The following SLIT1 variants were observed in gnomAD, a reference collection of about 807,000 sequenced individuals.
The protein encoded by SLIT1 is slit homolog 1 protein.
SLIT1 carries 66 observed loss-of-function variants against 186.1 expected under a neutral mutation model. The observed-to-expected ratio is 0.35, with a 90% CI of 0.29 to 0.44. SLIT1 has a LOEUF of 0.44. SLIT1 is among the 20% of genes least tolerant of loss of function. SLIT1 has a pLI of 1.00. For missense variants in SLIT1, 1,638 were observed against 2,037.4 expected, an observed-to-expected ratio of 0.80 and a Z score of 3.77; for synonymous variants, 761 against 833.8, an observed-to-expected ratio of 0.91 and a Z score of 1.50.
intron 4 of SLIT1, among the ~76,000 whole-genome samples, chr10:97,084,789 T>G (rs1205358400): frequency 6.6e-6 from 1 of 151,914 alleles, no homozygotes; most frequent in African/African-American, 2.4e-5. Context: ...GTATTTTTAG[T>G]AGAGACAGGG....
chr10:97,040,973 A>G (rs574108363), intron 20 of SLIT1, among the ~76,000 whole-genome samples: 2 of 152,296 alleles, frequency 1.3e-5, no homozygotes, highest in South Asian at 4.1e-4. Context: ...GAATCCTCAG[A>G]ACAGCTCTCT....
rs1041420300 is a variant in SLIT1 at position 97,013,756 on chromosome 10, G to A, written c.3188C>T (p.Thr1063Ile). ...CAACACTCACCTGGGCCCATCCGGGGTGCCCACACACTGGGCCTCGTGTTG... is the reference window on the plus strand; with the variant it reads ...CAACACTCACCTGGGCCCATCCGGGATGCCCACACACTGGGCCTCGTGTTG... ...PCQHEAQCVG[T>I]PDGPRCECMP... The change falls in exon 30 of 37, where the codon ACC becomes ATC. Residue 1063 changes from threonine to isoleucine, a missense_variant. This residue lies in a region of SLIT1 where 1,245 missense variants were observed against 1,535.3 expected (regional missense o/e 0.81). Transcript: ENST00000266058. 5.2e-6 allele frequency: 8 copies of A among 1,551,442 alleles called. No homozygotes were observed. In the South Asian group the frequency reaches 5.9e-5, roughly 12 times the overall value.
chr10:97,021,137 CT>C lies in SLIT1; in HGVS notation c.2746+112del. The C allele has an allele frequency of 9.4e-7, 1 of 1,061,592 alleles. No individual in the cohort carries two copies. Among genetic ancestry groups the C allele is most frequent in the Non-Finnish European group, 1.3e-6 (1 of 746,314 alleles). The allele number at this position is 1,061,592 out of a possible 1,614,324, so 65.8% of individuals were successfully genotyped here. ...GCCGCAGGTGCCTTGTTCCTGTCCC[CT>C]GACCCCCCGCCCAGCGGTCACCACA... On this transcript the variant is annotated intron_variant, in intron 26 of 36. Transcript: ENST00000266058. The surrounding 1 kb of genome is among the most constrained non-coding windows in gnomAD (Gnocchi z 4.5).
In SLIT1 at chr10:97,004,730, A is replaced by G; in HGVS notation, c.3673T>C (p.Tyr1225His). The change falls in exon 33 of 37, where the codon TAC becomes CAC. Residue 1225 changes from tyrosine to histidine, a missense_variant. By Grantham distance (83) the Tyr-to-His change is moderately conservative (BLOSUM62 2). Coordinates refer to ENST00000266058, the MANE Select transcript of SLIT1 (RefSeq NM_003061.3). This position sits in a 1 kb window ranked among gnomAD's most constrained non-coding sequence, Gnocchi z 5.1. ...ELYQGHVRVSYDPGSYPSSAI... is the reference protein window; with the variant it reads ...ELYQGHVRVSHDPGSYPSSAI... ...GAGCTGGGGTAGCTGCCTGGGTCGT[A>G]GCTGACACGCACATGGCCCTGGTAC... is the stretch of plus-strand genomic sequence containing the variant. The G allele has an allele frequency of 6.2e-7, 1 of 1,614,112 alleles. No homozygotes were observed. The highest frequency in any genetic ancestry group is 1.1e-5 in the South Asian group (1 of 91,076).
intron 3 of SLIT1, among the ~76,000 whole-genome samples, chr10:97,160,479 T>C (rs932715760): frequency 6.6e-6 from 1 of 152,146 alleles, no homozygotes; most frequent in African/African-American, 2.4e-5. Context: ...TCCCCCAGAT[T>C]GCTCCCAAGG....
At chr10:97,087,549 T>G (rs899163714) in intron 4 of SLIT1, among the ~76,000 whole-genome samples, 4 of 152,034 alleles carry the variant, frequency 2.6e-5, no homozygotes, top group Non-Finnish European at 5.9e-5. Flanking sequence ...CTAATATGAG[T>G]GAAGAGCACT....
At chr10:97,165,404 G>A (rs1350086337) in intron 1 of SLIT1, among the ~76,000 whole-genome samples, 2 of 152,086 alleles carry the variant, frequency 1.3e-5, no homozygotes, top group East Asian at 1.9e-4. Flanking sequence ...TGCGAGTGCC[G>A]TATTCTAAGC....
At chr10:97,177,095 C>T (rs547408699) in intron 1 of SLIT1, among the ~76,000 whole-genome samples, 1 of 152,286 alleles carries the variant, frequency 6.6e-6, no homozygotes, top group South Asian at 2.1e-4. Context: ...GCATTTTGTA[C>T]CGGCCTCCCA....
intron 30 of SLIT1, among the ~76,000 whole-genome samples, chr10:97,011,646 A>G (rs1848411651): frequency 6.6e-6 from 1 of 152,120 alleles, no homozygotes; most frequent in African/African-American, 2.4e-5. Flanking sequence ...CCAGCTTCCC[A>G]GCTGCCACCA....
At chr10:97,086,571 C>A (rs1401202005) in intron 4 of SLIT1, among the ~76,000 whole-genome samples, 2 of 152,046 alleles carry the variant, frequency 1.3e-5, no homozygotes, top group Non-Finnish European at 2.9e-5. Context: ...GAGCAAGACT[C>A]CAACCCTCCC....
chr10:97,006,914 G>C lies in SLIT1; in HGVS notation c.3342-194C>G, dbSNP rs1256671286. On this transcript the variant is annotated intron_variant, in intron 31 of 36. Coordinates refer to ENST00000266058, the MANE Select transcript of SLIT1 (RefSeq NM_003061.3). This position sits in a 1 kb window ranked among gnomAD's most constrained non-coding sequence, Gnocchi z 4.0. ...TACCAGGATACAAGTATGGTCCCTG[G>C]TCCAGCAGCGTCAACATTACCTGGA... is the stretch of plus-strand genomic sequence containing the variant. Among the ~76,000 whole-genome samples, 1 of 152,208 alleles carries C rather than the reference G, an allele frequency of 6.6e-6. No homozygotes were observed. The highest frequency in any genetic ancestry group is 6.5e-5 in the Admixed American group (1 of 15,280).
intron 28 of SLIT1, among the ~76,000 whole-genome samples, chr10:97,015,826 G>A (rs1340456668): frequency 1.3e-5 from 2 of 152,146 alleles, no homozygotes; most frequent in East Asian, 1.9e-4. Flanking sequence ...TTTAACTTAC[G>A]TGTACCCATG....
chr10:97,130,570 A>G (rs1694684455), intron 4 of SLIT1, among the ~76,000 whole-genome samples: 2 of 152,230 alleles, frequency 1.3e-5, no homozygotes, highest in Non-Finnish European at 2.9e-5. Context: ...TCACGGAAAC[A>G]GAAAGTAGAA....
At chr10:97,140,260 A>G (rs1849744504) in intron 4 of SLIT1, among the ~76,000 whole-genome samples, 1 of 151,970 alleles carries the variant, frequency 6.6e-6, no homozygotes, top group African/African-American at 2.4e-5. Context: ...CTACCCCATT[A>G]GTTGCCATGT....
intron 22 of SLIT1, among the ~76,000 whole-genome samples, chr10:97,037,390 C>G (rs961374215): frequency 6.6e-6 from 1 of 152,114 alleles, no homozygotes; most frequent in Non-Finnish European, 1.5e-5. Context: ...TGTGAGCCAC[C>G]GTGCCCGCCC....
chr10:97,108,098 CCCTT>C (rs1436484618), intron 4 of SLIT1, among the ~76,000 whole-genome samples: 7 of 152,202 alleles, frequency 4.6e-5, no homozygotes, highest in Non-Finnish European at 8.8e-5. Context: ...CATCTTCCCT[CCCTT>C]AGGAAGTCCT....
chr10:97,004,942 TC>T lies in SLIT1; in HGVS notation c.3580-120del. 8.1e-7 allele frequency: 1 copy of T among 1,234,904 alleles called. No individual in the cohort carries two copies. Among genetic ancestry groups the T allele is most frequent in the Non-Finnish European group, 1.1e-6 (1 of 872,866 alleles). The allele number at this position is 1,234,904 out of a possible 1,614,324, so 76.5% of individuals were successfully genotyped here. A position where few individuals can be genotyped will look rare whatever the true frequency, so the allele number is the denominator to read the frequency against. ...AGAGATGCTCTGTGCAGAGCGCTCT[TC>T]CCCCACCTGGCCAGCCTCCCCAAGG... On this transcript the variant is annotated intron_variant, in intron 32 of 36. Coordinates refer to ENST00000266058, the MANE Select transcript of SLIT1 (RefSeq NM_003061.3). This position sits in a 1 kb window ranked among gnomAD's most constrained non-coding sequence, Gnocchi z 5.1.
At chr10:97,123,863 A>G (rs1363241911) in intron 4 of SLIT1, among the ~76,000 whole-genome samples, 2 of 151,938 alleles carry the variant, frequency 1.3e-5, no homozygotes, top group Admixed American at 1.3e-4. Flanking sequence ...AACAGCTGGC[A>G]ACTGAAACAC....
chr10:97,059,594 A>G, intron 10 of SLIT1, 63 bp from the exon 11 acceptor site: 1 of 1,238,056 alleles, frequency 8.1e-7, no homozygotes, highest in Non-Finnish European at 1.2e-6. Flanking sequence ...AGCCCTGCCC[A>G]GTCCCCTCCA....
Sources: allele counts gnomAD v4.1 joint callset (sites outside exome capture counted in the v4.1 genomes callset), GRCh38; gene constraint gnomAD v4.1.1; regional missense constraint gnomAD v4.1.1; non-coding constraint Gnocchi (gnomAD v3.1); transcripts MANE v1.5; gene names NCBI Gene and HGNC (gene_info 2026-07-23, HGNC 2026-07-21).